The following ARHGAP10 variants were observed in gnomAD, a reference collection of about 807,000 sequenced individuals.
ARHGAP10 encodes rho GTPase-activating protein 10.
In ARHGAP10, 87 loss-of-function variants were observed where a neutral mutation model predicts 108.6. The observed-to-expected ratio is 0.80, with a 90% CI of 0.67 to 0.96. ARHGAP10 has a LOEUF of 0.96. Among genes scored for constraint, ARHGAP10 ranks in the 40% least tolerant of loss-of-function variants. The pLI is 0.00. For missense variants in ARHGAP10, 939 were observed against 954.5 expected, an observed-to-expected ratio of 0.98 and a Z score of 0.21; for synonymous variants, 347 against 341.1, an observed-to-expected ratio of 1.02 and a Z score of -0.19.
In ARHGAP10 at chr4:148,071,979, C is replaced by G. The variant is rs770267387; in HGVS notation, c.2273-14C>G. ...GGGGCATTTTGTAAAAGTGATTTTT[C>G]TCTTCCTTTTCAGTACAAACCTCCA... On this transcript the variant is annotated splice_polypyrimidine_tract_variant and intron_variant, in intron 22 of 22. Coordinates refer to ENST00000336498, the MANE Select transcript of ARHGAP10 (RefSeq NM_024605.4). The G allele has an allele frequency of 5.0e-6, 8 of 1,608,906 alleles. No individual in the cohort carries two copies. In the Admixed American group the frequency reaches 1.4e-4, roughly 27 times the overall value.
chr4:148,016,280 G>A (rs74318231), intron 18 of ARHGAP10, among the ~76,000 whole-genome samples: 1 of 152,024 alleles, frequency 6.6e-6, no homozygotes, highest in Admixed American at 6.6e-5. Flanking sequence ...GGGGTGGGAG[G>A]GTCACTTGAG....
chr4:147,882,308 A>G (rs948903894), intron 10 of ARHGAP10, among the ~76,000 whole-genome samples: 2 of 152,008 alleles, frequency 1.3e-5, no homozygotes, highest in East Asian at 3.9e-4. Flanking sequence ...TAAAAAGACA[A>G]AAAAATTAGC....
intron 17 of ARHGAP10, among the ~76,000 whole-genome samples, chr4:147,965,680 A>C (rs888221526): frequency 1.3e-5 from 2 of 152,210 alleles, no homozygotes; most frequent in African/African-American, 4.8e-5. Flanking sequence ...AAGAAAATGA[A>C]GGTCAGAAGA....
chr4:147,879,339 G>A lies in ARHGAP10; in HGVS notation c.939+1G>A. 6.2e-7 allele frequency: 1 copy of A among 1,611,562 alleles called. No homozygotes were observed. The highest frequency in any genetic ancestry group is 1.3e-5 in the African/African-American group (1 of 74,942). On this transcript the variant is annotated splice_donor_variant, in intron 9 of 22. Coordinates refer to ENST00000336498, the MANE Select transcript of ARHGAP10 (RefSeq NM_024605.4). LOFTEE classifies it high-confidence loss of function. ...TGAGCACAGATCTGGAGGGAAACTT[G>A]TAAGTATTTGATTCAACATAGAATA...
chr4:148,071,541 G>A (rs577840179), intron 22 of ARHGAP10, among the ~76,000 whole-genome samples: 3 of 152,244 alleles, frequency 2.0e-5, no homozygotes, highest in Admixed American at 1.3e-4. Context: ...GCTTGAATCC[G>A]GGAGGCAGAG....
At chr4:148,002,381 T>G (rs1740755900) in intron 18 of ARHGAP10, among the ~76,000 whole-genome samples, 2 of 152,302 alleles carry the variant, frequency 1.3e-5, no homozygotes, top group East Asian at 1.9e-4. Context: ...TCTCTTTTTT[T>G]GTTGTCTCTC....
chr4:147,907,900 T>C (rs1221438003), intron 11 of ARHGAP10, among the ~76,000 whole-genome samples: 3 of 152,152 alleles, frequency 2.0e-5, no homozygotes, highest in Admixed American at 6.5e-5. Context: ...TGCAGTGCAG[T>C]GGCGTGACCT....
At chr4:147,847,107 G>T (rs751991572) in intron 3 of ARHGAP10, 44 bp from the exon 4 acceptor site, 2 of 1,518,864 alleles carry the variant, frequency 1.3e-6, no homozygotes, top group East Asian at 4.5e-5. Flanking sequence ...TTCCTTTTTG[G>T]AAACCTAATG....
At chr4:147,864,663 G>A (rs1734475116) in intron 5 of ARHGAP10, 183 bp from the exon 6 acceptor site, 1 of 528,914 alleles carries the variant, frequency 1.9e-6, no homozygotes, top group South Asian at 2.5e-5. Context: ...TTCTGCTGTT[G>A]CAGCAGGAAA....
intron 20 of ARHGAP10, among the ~76,000 whole-genome samples, chr4:148,048,443 A>G (rs1728981823): frequency 6.6e-6 from 1 of 152,212 alleles, no homozygotes; most frequent in South Asian, 2.1e-4. Context: ...TCATCTGTGC[A>G]TATTTTTTAT....
At chr4:147,954,943 T>G (rs1438737732) in intron 15 of ARHGAP10, among the ~76,000 whole-genome samples, 3 of 152,098 alleles carry the variant, frequency 2.0e-5, no homozygotes, top group Non-Finnish European at 4.4e-5. Flanking sequence ...ATCTTAGAGA[T>G]GAAGTTTCAA....
chr4:147,782,723 T>C (rs988468876), intron 1 of ARHGAP10: 2 of 152,114 alleles, frequency 1.3e-5, no homozygotes, highest in East Asian at 3.9e-4. Context: ...TCAGACCAGT[T>C]TGCAAACAGG....
intron 22 of ARHGAP10, among the ~76,000 whole-genome samples, chr4:148,069,863 C>T (rs1025762107): frequency 1.3e-5 from 2 of 152,150 alleles, no homozygotes; most frequent in African/African-American, 4.8e-5. Context: ...GCATAGAATC[C>T]AAAGCTTTTC....
chr4:148,035,847 C>G (rs779730495), intron 19 of ARHGAP10, among the ~76,000 whole-genome samples: 18 of 152,078 alleles, frequency 1.2e-4, no homozygotes, highest in Non-Finnish European at 2.2e-4. Flanking sequence ...ATTTTCTGAT[C>G]AAAGAATCTG....
At chr4:147,769,097 A>G (rs13115978) in intron 1 of ARHGAP10, among the ~76,000 whole-genome samples, 141,221 of 152,216 alleles carry the variant, frequency 0.93, 66,005 homozygotes, top group East Asian at 0.98. Flanking sequence ...ATTATGCAGC[A>G]TGATTTCATT....
At chr4:147,832,601 C>T (rs905220766) in intron 3 of ARHGAP10, among the ~76,000 whole-genome samples, 13 of 127,400 alleles carry the variant, frequency 1.0e-4, no homozygotes, top group African/African-American at 1.7e-4. Flanking sequence ...GAGCTGAAAT[C>T]GTGCCACTGC....
intron 20 of ARHGAP10, among the ~76,000 whole-genome samples, chr4:148,053,019 C>A (rs1247968092): frequency 6.6e-6 from 1 of 152,084 alleles, no homozygotes; most frequent in Non-Finnish European, 1.5e-5. Context: ...GACCATGGAG[C>A]ATTTAGTATT....
At chr4:147,734,317 G>T (rs750531796) in intron 1 of ARHGAP10, among the ~76,000 whole-genome samples, 1 of 152,114 alleles carries the variant, frequency 6.6e-6, no homozygotes, top group Non-Finnish European at 1.5e-5. Flanking sequence ...AGTGCATCTG[G>T]GGGGCCAGAT....
chr4:147,963,826 G>A (rs1353268251), intron 16 of ARHGAP10, among the ~76,000 whole-genome samples: 1 of 152,118 alleles, frequency 6.6e-6, no homozygotes, highest in Non-Finnish European at 1.5e-5. Context: ...TTGGCTTGTG[G>A]GTCCTTCATT....
Sources: gnomAD v4.1 joint callset for allele counts (sites outside exome capture counted in the v4.1 genomes callset) on GRCh38, gnomAD v4.1.1 for gene constraint, MANE v1.5 for transcripts, NCBI Gene and HGNC (gene_info 2026-07-23, HGNC 2026-07-21) for gene names.